Variants in MOSPD2 observed in about 807,000 individuals in gnomAD.
MOSPD2 encodes motile sperm domain containing 2.
MOSPD2 carries 5 observed loss-of-function variants against 41.7 expected under a neutral mutation model. The ratio of observed to expected loss-of-function variants is 0.12; its 90% CI spans 0.06 to 0.25. The LOEUF (loss-of-function observed/expected upper bound fraction) is 0.25, where lower values mean the gene tolerates loss of function less well. MOSPD2 is among the 10% of genes least tolerant of loss of function. The pLI is 1.00. For missense variants in MOSPD2, 282 were observed against 375.2 expected (o/e 0.75, Z 2.05); for synonymous variants, 115 against 126.9 (o/e 0.91, Z 0.63).
chrX:14,915,571 A>C, intron 11 of MOSPD2, 97 bp from the exon 12 acceptor site: 1 of 446,713 alleles, frequency 2.2e-6, no homozygotes, highest in East Asian at 5.9e-5. Flanking sequence ...AAAAAATAAA[A>C]ATAAAAATAA....
At chrX:14,879,832 T>TA (rs1018239706) in intron 2 of MOSPD2, among the ~76,000 whole-genome samples, 7 of 109,774 alleles carry the variant, frequency 6.4e-5, no homozygotes, top group East Asian at 2.9e-4. Flanking sequence ...CACTGTAACT[T>TA]AAAAAAAAAT....
intron 8 of MOSPD2, 119 bp from the exon 9 acceptor site, chrX:14,911,117 TA>T (rs2092590988): frequency 3.3e-6 from 2 of 615,046 alleles, no homozygotes; most frequent in Non-Finnish European, 5.0e-6. Context: ...TCCTTTATTT[TA>T]AATTTCATGA....
At chrX:14,874,732 T>A (rs1204014340) in intron 2 of MOSPD2, among the ~76,000 whole-genome samples, 1 of 111,671 alleles carries the variant, frequency 9.0e-6, no homozygotes, top group East Asian at 2.8e-4. Context: ...AGATTATACA[T>A]CAGTTGATGA....
chrX:14,873,642 G>A (rs1245322651), intron 1 of MOSPD2, 47 bp from the exon 2 acceptor site: 3 of 1,196,481 alleles, frequency 2.5e-6, no homozygotes, highest in African/African-American at 3.5e-5. Flanking sequence ...GAGGGTAAGC[G>A]GGTTGATGCA....
chrX:14,901,649 A>G (rs1246667176), intron 6 of MOSPD2, among the ~76,000 whole-genome samples: 1 of 110,473 alleles, frequency 9.1e-6, no homozygotes, highest in Non-Finnish European at 1.9e-5. Flanking sequence ...AACCTGTACT[A>G]TCTTCTGTTC....
chrX:14,911,263 A>G lies in MOSPD2; in HGVS notation c.729A>G (p.Pro243=), dbSNP rs2092591296. ...GTDPFKYSYP[P]LVDDDFQTPL... is the part of the protein sequence containing the mutation. ...ATCCTTTCAAGTATAGCTATCCACC[A>G]CTAGTAGATGATGACTTCCAGACCC... The change falls in exon 9 of 15, where the codon CCA becomes CCG. Residue 243 remains proline (P), a synonymous_variant. Transcript: ENST00000380492. 8.3e-7 allele frequency: 1 copy of G among 1,201,937 alleles called. No individual in the cohort carries two copies. Among genetic ancestry groups the G allele is most frequent in the Admixed American group, 2.3e-5 (1 of 43,875 alleles).
At chrX:14,911,170 A>C in intron 8 of MOSPD2, 67 bp from the exon 9 acceptor site, 1 of 955,384 alleles carries the variant, frequency 1.0e-6, no homozygotes, top group Non-Finnish European at 1.4e-6. Context: ...ATGAATTGTA[A>C]ATCTACTAAG....
At chrX:14,908,730 A>G (rs2092586501) in intron 7 of MOSPD2, 130 bp from the exon 8 acceptor site, 1 of 546,565 alleles carries the variant, frequency 1.8e-6, no homozygotes, top group Non-Finnish European at 2.7e-6. Flanking sequence ...AATTAAGTAC[A>G]TCACGTAAAG....
chrX:14,885,656 A>G (rs1350537366), intron 2 of MOSPD2, among the ~76,000 whole-genome samples: 1 of 111,410 alleles, frequency 9.0e-6, no homozygotes, highest in Non-Finnish European at 1.9e-5. Context: ...TAGGCTTATG[A>G]TAACAACACA....
In MOSPD2 at chrX:14,882,301, C is replaced by T. The variant is rs2092532849; in HGVS notation, c.79+8543C>T. On this transcript the variant is annotated intron_variant, in intron 2 of 14. Transcript: ENST00000380492. Reference sequence around the variant, plus strand: ...TTAGATTTTTAACATTGAACTCACGCAAGTAGTGAATAGAATGTCAGTTAC... The same window carrying T: ...TTAGATTTTTAACATTGAACTCACGTAAGTAGTGAATAGAATGTCAGTTAC... Among the ~76,000 whole-genome samples, 6 of 110,612 alleles carry T rather than the reference C, an allele frequency of 5.4e-5. No homozygotes were observed. In the Admixed American group the frequency reaches 5.8e-4, roughly 11 times the overall value.
intron 5 of MOSPD2, among the ~76,000 whole-genome samples, chrX:14,899,565 TACACACACACACACACACAC>T (rs59555716): frequency 1.2e-5 from 1 of 81,041 alleles, no homozygotes; most frequent in East Asian, 3.7e-4. Context: ...ATTATATACA[TACACACACACACACACACAC>T]ACACACACAC....
At chrX:14,897,376 T>C in intron 5 of MOSPD2, 138 bp downstream of exon 5, 1 of 470,171 alleles carries the variant, frequency 2.1e-6, no homozygotes, top group Non-Finnish European at 3.5e-6. Context: ...CACCTTGCAG[T>C]GTGAGTGTAG....
Position 14,914,578 on chromosome X carries a change from TA to T in MOSPD2, c.1073del (p.Asn358IlefsTer2). On this transcript the variant is annotated frameshift_variant, in exon 11 of 15. Transcript: ENST00000380492. LOFTEE classifies it high-confidence loss of function. ...KTLIVLTNVT[K>X]NIVAFKVRTT... Reference sequence around the variant, plus strand: ...CCTTAATAGTGTTGACAAATGTAACTAAAAATATAGTGGCATTTAAGGTAAA... The same window carrying T: ...CCTTAATAGTGTTGACAAATGTAACTAAAATATAGTGGCATTTAAGGTAAA... 8.8e-7 allele frequency: 1 copy of T among 1,130,703 alleles called. No individual in the cohort carries two copies. Among genetic ancestry groups the T allele is most frequent in the Non-Finnish European group, 1.2e-6 (1 of 829,173 alleles). The allele number at this position is 1,130,703 out of a possible 1,213,427, so 93.2% of individuals were successfully genotyped here.
intron 2 of MOSPD2, among the ~76,000 whole-genome samples, chrX:14,882,120 A>G (rs2092532550): frequency 9.0e-6 from 1 of 111,387 alleles, no homozygotes; most frequent in Non-Finnish European, 1.9e-5. Flanking sequence ...TGTGGTATAT[A>G]TATACAGTGG....
Position 14,920,049 on chromosome X carries a change from A to C in MOSPD2, c.*240A>C, listed in dbSNP as rs1264952666. On this transcript the variant is annotated 3_prime_UTR_variant, in exon 15 of 15. Transcript: ENST00000380492. Reference sequence around the variant, plus strand: ...TAGTAAAGTAAGTAAAGGCATATCCATTGTGTAAATTAATAGTTTAAATAT... The same window carrying C: ...TAGTAAAGTAAGTAAAGGCATATCCCTTGTGTAAATTAATAGTTTAAATAT... The C allele has an allele frequency of 1.2e-6, 1 of 804,008 alleles. No homozygotes were observed. Among genetic ancestry groups the C allele is most frequent in the Non-Finnish European group, 1.5e-6 (1 of 655,975 alleles). The allele number at this position is 804,008 out of a possible 1,213,427, so 66.3% of individuals were successfully genotyped here. A position where few individuals can be genotyped will look rare whatever the true frequency, so the allele number is the denominator to read the frequency against.
At chrX:14,901,407 A>G (rs752334688) in intron 6 of MOSPD2, among the ~76,000 whole-genome samples, 1 of 111,612 alleles carries the variant, frequency 9.0e-6, no homozygotes, top group Non-Finnish European at 1.9e-5. Flanking sequence ...CCTAGAAAAC[A>G]GCAAATTGGG....
At chrX:14,887,733 TG>T (rs2092544483) in intron 2 of MOSPD2, among the ~76,000 whole-genome samples, 2 of 111,320 alleles carry the variant, frequency 1.8e-5, no homozygotes, top group East Asian at 2.8e-4. Flanking sequence ...AAAAATTGTG[TG>T]TGAGAGAGAA....
intron 11 of MOSPD2, 108 bp downstream of exon 11, chrX:14,914,707 T>G (rs747349893): frequency 2.1e-6 from 1 of 468,011 alleles, no homozygotes; most frequent in Non-Finnish European, 3.5e-6. Context: ...GTACAGTGTT[T>G]TTATTTATGA....
chrX:14,913,930 G>A (rs944814718), intron 10 of MOSPD2, among the ~76,000 whole-genome samples: 4 of 111,270 alleles, frequency 3.6e-5, no homozygotes, highest in African/African-American at 1.3e-4. Context: ...GAAGCTCATT[G>A]ATTTTACTAT....
Sources: allele counts gnomAD v4.1 joint callset (sites outside exome capture counted in the v4.1 genomes callset), GRCh38; gene constraint gnomAD v4.1.1; transcripts MANE v1.5; gene names NCBI Gene and HGNC (gene_info 2026-07-23, HGNC 2026-07-21).